DCTN5: variants seen among roughly 807,000 people sequenced by gnomAD.
DCTN5 encodes dynactin 4.
In DCTN5, 14 loss-of-function variants were observed where a neutral mutation model predicts 23.5. That is an observed-to-expected ratio of 0.60 (90% CI 0.39 to 0.93). The LOEUF (loss-of-function observed/expected upper bound fraction) is 0.93. Ranked by LOEUF, DCTN5 falls within the 40% of genes least tolerant of loss-of-function variation. The pLI, the probability that DCTN5 is intolerant of heterozygous loss-of-function variation, is 0.00. For missense variants in DCTN5, 156 were observed against 225.9 expected (o/e 0.69, Z 1.98); for synonymous variants, 67 against 79.6 (o/e 0.84, Z 0.84).
In DCTN5 at chr16:23,666,910, A is replaced by G. The variant is rs1597126829; in HGVS notation, c.452-137A>G. 2.9e-6 allele frequency: 4 copies of G among 1,397,224 alleles called. No individual in the cohort carries two copies. The East Asian group carries it at 1.0e-4, about 35-fold the overall frequency. 86.6% of individuals were successfully genotyped at this position (1,397,224 alleles called of 1,614,324 possible). ...TTTAGCTGTTCTTAGCAAGCACTGG[A>G]CCAGAACAGCCTCAGCGATTATTTA... On this transcript the variant is annotated intron_variant, in intron 5 of 5. Coordinates refer to ENST00000300087, the MANE Select transcript of DCTN5 (RefSeq NM_032486.4).
At position 23,674,094 on chromosome 16, in the gene DCTN5, A is replaced by G. The variant is rs1463760419; in HGVS notation, c.*6950A>G. The G allele has an allele frequency of 6.6e-6, 1 of 152,072 alleles. No homozygotes were observed. The highest frequency in any genetic ancestry group is 1.9e-4 in the East Asian group (1 of 5,174). 9.4% of individuals were successfully genotyped at this position (152,072 alleles called of 1,614,324 possible). ...TGAGAATCTCAAATTCTCAGATCCTAATTGCCTGGCCCTGACTCTAAGCTG... is the reference window on the plus strand; with the variant it reads ...TGAGAATCTCAAATTCTCAGATCCTGATTGCCTGGCCCTGACTCTAAGCTG... On this transcript the variant is annotated 3_prime_UTR_variant, in exon 6 of 6. Coordinates refer to ENST00000300087, the MANE Select transcript of DCTN5 (RefSeq NM_032486.4).
At chr16:23,647,723 G>T (rs936290355) in intron 2 of DCTN5, among the ~76,000 whole-genome samples, 2 of 151,990 alleles carry the variant, frequency 1.3e-5, no homozygotes, top group South Asian at 4.2e-4. Context: ...GGCCAGGCTG[G>T]TCTTGAACTC....
chr16:23,654,571 T>A (rs1363883427), intron 2 of DCTN5, among the ~76,000 whole-genome samples: 1 of 152,198 alleles, frequency 6.6e-6, no homozygotes, highest in Non-Finnish European at 1.5e-5. Flanking sequence ...CAAGTTTACC[T>A]ATGTAACAAA....
chr16:23,651,317 T>A (rs932783873), intron 2 of DCTN5, among the ~76,000 whole-genome samples: 1 of 152,178 alleles, frequency 6.6e-6, no homozygotes, highest in Non-Finnish European at 1.5e-5. Context: ...GTTACCTCTG[T>A]TTTGAATCTG....
In DCTN5 at chr16:23,674,873, C is replaced by T. The variant is rs1255147815; in HGVS notation, c.*7729C>T. On this transcript the variant is annotated 3_prime_UTR_variant, in exon 6 of 6. Transcript: ENST00000300087. ...ACAGCTTTAGATTCTTCTGAGGCCT[C>T]TCTGCTTGGCTTGCAGATGGCTGCC... The T allele has an allele frequency of 6.6e-6, 1 of 152,122 alleles. No homozygotes were observed. Among genetic ancestry groups the T allele is most frequent in the African/African-American group, 2.4e-5 (1 of 41,432 alleles). 9.4% of individuals were successfully genotyped at this position (152,122 alleles called of 1,614,324 possible).
chr16:23,642,164 C>A (rs540592112), intron 1 of DCTN5, among the ~76,000 whole-genome samples: 1 of 152,106 alleles, frequency 6.6e-6, no homozygotes, highest in African/African-American at 2.4e-5. Flanking sequence ...AACTCTTGAC[C>A]TCAGGTGATC....
At chr16:23,645,133 ATATAT>A (rs1967424245) in intron 2 of DCTN5, among the ~76,000 whole-genome samples, 1 of 22,422 alleles carries the variant, frequency 4.5e-5, no homozygotes, top group Non-Finnish European at 7.4e-5. Flanking sequence ...ATATATATAT[ATATAT>A]TTTTTTTTTT....
At chr16:23,650,423 T>G (rs1385764348) in intron 2 of DCTN5, among the ~76,000 whole-genome samples, 2 of 151,954 alleles carry the variant, frequency 1.3e-5, no homozygotes, top group African/African-American at 4.8e-5. Context: ...GTTCAAGCGA[T>G]TCTCCTGCCT....
chr16:23,650,951 A>C, intron 2 of DCTN5: 1 of 1,453,866 alleles, frequency 6.9e-7, no homozygotes, highest in East Asian at 2.5e-5. Flanking sequence ...CGTGGCAACA[A>C]TCAGCTTTCC....
chr16:23,665,891 A>T (rs1967897333), intron 5 of DCTN5, 163 bp downstream of exon 5: 2 of 619,532 alleles, frequency 3.2e-6, no homozygotes, highest in African/African-American at 1.8e-5. Flanking sequence ...CTAACATATA[A>T]CAAGCATCTG....
rs758623464 is a variant in DCTN5 at position 23,665,655 on chromosome 16, C to G, written c.378C>G (p.Cys126Trp). 1.9e-6 allele frequency: 3 copies of G among 1,613,994 alleles called. No homozygotes were observed. The Admixed American group carries it at 5.0e-5, about 27-fold the overall frequency. ...IGRRCVLKDC[C>W]KILDNTVLPP... ...GCCGATGTGTGTTGAAAGACTGCTG[C>G]AAAATTCTTGACAACACAGTATTAC... Residue 126 changes from cysteine (C) to tryptophan (W), a missense_variant, in exon 5 of 6, where the codon TGC becomes TGG. Physicochemically the swap from Cys to Trp is radical, Grantham distance 215. Coordinates refer to ENST00000300087, the MANE Select transcript of DCTN5 (RefSeq NM_032486.4).
At chr16:23,646,575 AT>A (rs528216995) in intron 2 of DCTN5, among the ~76,000 whole-genome samples, 29 of 146,864 alleles carry the variant, frequency 2.0e-4, no homozygotes, top group East Asian at 4.0e-4. Flanking sequence ...TTTTGAGTTA[AT>A]TTTTTTTTTT....
intron 2 of DCTN5, among the ~76,000 whole-genome samples, chr16:23,653,969 A>T (rs973523549): frequency 6.6e-6 from 1 of 152,232 alleles, no homozygotes; most frequent in African/African-American, 2.4e-5. Flanking sequence ...GAGAAGTGCA[A>T]ATCAAAACCA....
At chr16:23,666,808 A>T in intron 5 of DCTN5, 1 of 562,344 alleles carries the variant, frequency 1.8e-6, no homozygotes, top group Non-Finnish European at 3.1e-6. Flanking sequence ...CGTGTCATGC[A>T]TCTCTGCTTT....
chr16:23,650,890 G>A (rs1234220968), intron 2 of DCTN5: 2 of 1,400,550 alleles, frequency 1.4e-6, no homozygotes, highest in Non-Finnish European at 2.0e-6. Context: ...ATTGGAGAAT[G>A]TGACCAATCT....
intron 2 of DCTN5, among the ~76,000 whole-genome samples, chr16:23,648,516 A>C (rs1201291360): frequency 2.0e-5 from 3 of 150,788 alleles, no homozygotes. Flanking sequence ...TGTCTGGCTA[A>C]TTTTTGTATT....
At chr16:23,659,458 G>T (rs1967771415) in intron 3 of DCTN5, among the ~76,000 whole-genome samples, 1 of 152,180 alleles carries the variant, frequency 6.6e-6, no homozygotes, top group Admixed American at 6.5e-5. Flanking sequence ...CCTTCCTCAT[G>T]CCTGCAGCTG....
At chr16:23,652,796 A>G (rs1019846275) in intron 2 of DCTN5, among the ~76,000 whole-genome samples, 3 of 152,220 alleles carry the variant, frequency 2.0e-5, no homozygotes, top group Non-Finnish European at 4.4e-5. Flanking sequence ...TAATAGATGT[A>G]CATATTTTGG....
In DCTN5 at chr16:23,676,356, A is replaced by T. The variant is rs918410221; in HGVS notation, c.*9212A>T. ...AAAAGTAAAAATACAAAAATAAAAA[A>T]ATTAGCTGGGTGTGGTGGTGTGCAC... On this transcript the variant is annotated 3_prime_UTR_variant, in exon 6 of 6. Transcript: ENST00000300087. 4 of 152,152 alleles carry T rather than the reference A, an allele frequency of 2.6e-5. No homozygotes were observed. The highest frequency in any genetic ancestry group is 4.8e-5 in the African/African-American group (2 of 41,416). The allele number at this position is 152,152 out of a possible 1,614,324, so 9.4% of individuals were successfully genotyped here. A position where few individuals can be genotyped will look rare whatever the true frequency, so the allele number is the denominator to read the frequency against.
Sources: gnomAD v4.1 joint callset for allele counts (sites outside exome capture counted in the v4.1 genomes callset) on GRCh38, gnomAD v4.1.1 for gene constraint, MANE v1.5 for transcripts, NCBI Gene and HGNC (gene_info 2026-07-23, HGNC 2026-07-21) for gene names.